Variants in HDAC9 observed in about 807,000 individuals in gnomAD.
The protein encoded by HDAC9 is MEF-2 interacting transcription repressor (MITR) protein.
HDAC9 carries 41 observed loss-of-function variants against 139.4 expected under a neutral mutation model. The ratio of observed to expected loss-of-function variants is 0.29; its 90% CI spans 0.23 to 0.38. The LOEUF is 0.38. Ranked by LOEUF, HDAC9 falls within the 10% of genes least tolerant of loss-of-function variation. The pLI, the probability that HDAC9 is intolerant of heterozygous loss-of-function variation, is 1.00. For synonymous variants in HDAC9, 517 were observed against 476.2 expected, an observed-to-expected ratio of 1.09 and a Z score of -1.12; for missense variants, 1,147 against 1,297.0, an observed-to-expected ratio of 0.88 and a Z score of 1.78.
chr7:18,316,642 A>AAG (rs1439715377), intron 1 of HDAC9, among the ~76,000 whole-genome samples: 2 of 150,026 alleles, frequency 1.3e-5, no homozygotes, highest in Non-Finnish European at 3.0e-5. Flanking sequence ...CCAAAAAAAA[A>AAG]AAAAAAAAAA....
At chr7:18,535,531 G>A (rs965402932) in intron 2 of HDAC9, among the ~76,000 whole-genome samples, 20 of 151,652 alleles carry the variant, frequency 1.3e-4, no homozygotes, top group Non-Finnish European at 1.6e-4. Context: ...CTCTCTCAAT[G>A]ATGATCTCTA....
intron 24 of HDAC9, among the ~76,000 whole-genome samples, chr7:18,974,774 C>T (rs1206958674): frequency 1.3e-5 from 2 of 152,192 alleles, no homozygotes; most frequent in East Asian, 3.8e-4. Context: ...AGGCATCTCC[C>T]TATTTCAGAG....
At chr7:18,352,820 A>G (rs1782953472) in intron 1 of HDAC9, among the ~76,000 whole-genome samples, 1 of 151,902 alleles carries the variant, frequency 6.6e-6, no homozygotes, top group South Asian at 2.1e-4. Flanking sequence ...CCTCCATTTC[A>G]TGATCCTTGT....
At position 18,672,265 on chromosome 7, in the gene HDAC9, A is replaced by G. The variant is rs554106377; in HGVS notation, c.1731+5789A>G. 2.4e-4 allele frequency among the ~76,000 whole-genome samples: 36 copies of G among 152,100 alleles called. No homozygotes were observed. In the East Asian group the frequency reaches 6.2e-3, roughly 26 times the overall value. ...GCCATCCTAGTGAGTATGCAGTGCT[A>G]TCATTGTTGCTTTGATTTATATTTC... On this transcript the variant is annotated intron_variant, in intron 12 of 25. Transcript: ENST00000686413.
chr7:18,424,623 A>G lies in HDAC9; in HGVS notation c.-41-71639A>G, dbSNP rs567000669. 2.0e-5 allele frequency among the ~76,000 whole-genome samples: 3 copies of G among 152,342 alleles called. No individual in the cohort carries two copies. In the South Asian group the frequency reaches 6.2e-4, roughly 32 times the overall value. ...TCTTCTATTAGGTTTTAATAATTAA[A>G]ATAGGCTGGGCGCAGTGGCTCATGC... On this transcript the variant is annotated intron_variant, in intron 1 of 3. Transcript: ENST00000413509.
intron 13 of HDAC9, among the ~76,000 whole-genome samples, chr7:18,743,151 G>C (rs1787610393): frequency 1.3e-5 from 2 of 152,054 alleles, no homozygotes; most frequent in Non-Finnish European, 2.9e-5. Context: ...GTAGTGAATT[G>C]TGTTTGGCTT....
At chr7:18,957,121 T>C (rs1487709775) in intron 24 of HDAC9, among the ~76,000 whole-genome samples, 2 of 151,982 alleles carry the variant, frequency 1.3e-5, no homozygotes, top group African/African-American at 2.4e-5. Flanking sequence ...TGGGTTGAGG[T>C]TGTAAAAGGA....
chr7:18,933,571 A>T (rs1358025916), intron 22 of HDAC9, among the ~76,000 whole-genome samples: 1 of 152,104 alleles, frequency 6.6e-6, no homozygotes, highest in East Asian at 1.9e-4. Context: ...CCAAGCTTCA[A>T]ATATTTTTCA....
intron 1 of HDAC9, among the ~76,000 whole-genome samples, chr7:18,307,275 C>A (rs183883321): frequency 1.3e-5 from 2 of 152,088 alleles, no homozygotes; most frequent in South Asian, 2.1e-4. Flanking sequence ...ACATTTATAC[C>A]TGTTAATCCA....
rs144967255 is a variant in HDAC9 at position 18,301,839 on chromosome 7, C to G, written c.-42+11324C>G. On this transcript the variant is annotated intron_variant, in intron 1 of 3. Coordinates refer to the HDAC9 transcript ENST00000413509. The stretch of plus-strand genomic sequence containing the variant: ...AGGTCTGTCTTGTTAATTAGATGTT[C>G]TCAGATAATGAAGTCTTAATACACC... Among the ~76,000 whole-genome samples the G allele has an allele frequency of 2.0e-5, 3 of 152,274 alleles. No homozygotes were observed. In the East Asian group the frequency reaches 5.8e-4, roughly 29 times the overall value.
At chr7:18,938,496 G>A (rs1050336004) in intron 23 of HDAC9, among the ~76,000 whole-genome samples, 7 of 151,482 alleles carry the variant, frequency 4.6e-5, no homozygotes, top group Admixed American at 2.0e-4. Flanking sequence ...TCCGGAGCCT[G>A]AGTCAGGAGA....
intron 21 of HDAC9, among the ~76,000 whole-genome samples, chr7:18,867,831 C>G (rs1026579191): frequency 1.3e-5 from 2 of 152,082 alleles, no homozygotes; most frequent in African/African-American, 4.8e-5. Context: ...CCCTCTGTGT[C>G]TTATATTTTC....
At chr7:18,096,624 G>T (rs550145621) in intron 1 of HDAC9, among the ~76,000 whole-genome samples, 2 of 152,170 alleles carry the variant, frequency 1.3e-5, no homozygotes, top group Admixed American at 1.3e-4. Flanking sequence ...TAATGAAATT[G>T]TAAGCTCCTT....
intron 22 of HDAC9, among the ~76,000 whole-genome samples, chr7:18,883,889 T>C (rs1321210034): frequency 6.6e-6 from 1 of 152,108 alleles, no homozygotes; most frequent in Non-Finnish European, 1.5e-5. Context: ...CATTTCTGTA[T>C]ACTAACAATG....
chr7:18,583,494 G>A (rs1340273030), intron 2 of HDAC9, among the ~76,000 whole-genome samples: 1 of 151,870 alleles, frequency 6.6e-6, no homozygotes, highest in Non-Finnish European at 1.5e-5. Context: ...TCAGGCAGGA[G>A]GATCACTTGA....
At chr7:18,817,073 C>T (rs945221634) in intron 17 of HDAC9, among the ~76,000 whole-genome samples, 1 of 149,304 alleles carries the variant, frequency 6.7e-6, no homozygotes, top group African/African-American at 2.5e-5. Context: ...CTCGCGCTGT[C>T]GCCCAGGCTG....
chr7:18,538,339 T>A (rs1811568026), intron 2 of HDAC9, among the ~76,000 whole-genome samples: 2 of 152,158 alleles, frequency 1.3e-5, no homozygotes, highest in South Asian at 4.1e-4. Flanking sequence ...TAGTTAAGTA[T>A]GGTGGTATGT....
At chr7:18,188,190 C>A (rs1352593809) in intron 2 of HDAC9, among the ~76,000 whole-genome samples, 1 of 152,064 alleles carries the variant, frequency 6.6e-6, no homozygotes, top group Non-Finnish European at 1.5e-5. Flanking sequence ...TCAGAAATAG[C>A]ACCACACATC....
chr7:18,907,641 A>C (rs1802381173), intron 22 of HDAC9, among the ~76,000 whole-genome samples: 1 of 152,216 alleles, frequency 6.6e-6, no homozygotes, highest in Non-Finnish European at 1.5e-5. Flanking sequence ...TCCTTGGGCA[A>C]AGGTGGACCT....
Sources: gnomAD v4.1 joint callset for allele counts (sites outside exome capture counted in the v4.1 genomes callset) on GRCh38, gnomAD v4.1.1 for gene constraint, MANE v1.5 for transcripts, NCBI Gene and HGNC (gene_info 2026-07-23, HGNC 2026-07-21) for gene names.